The following TENM2 variants were observed in gnomAD, a reference collection of about 807,000 sequenced individuals.
TENM2 encodes the protein teneurin-2.
In TENM2, 52 loss-of-function variants were observed where a neutral mutation model predicts 245.2. The observed-to-expected ratio is 0.21, with a 90% CI of 0.17 to 0.27. The LOEUF (loss-of-function observed/expected upper bound fraction) is 0.27, where lower values mean the gene tolerates loss of function less well. Among genes scored for constraint, TENM2 ranks in the 10% least tolerant of loss-of-function variants. The pLI, the probability that TENM2 is intolerant of heterozygous loss-of-function variation, is 1.00. For synonymous variants in TENM2, 1,363 were observed against 1,438.9 expected (o/e 0.95, Z 1.19); for missense variants, 3,046 against 3,666.8 (o/e 0.83, Z 4.37).
At chr5:167,518,416 G>A (rs1275079635) in intron 2 of TENM2, among the ~76,000 whole-genome samples, 5 of 152,108 alleles carry the variant, frequency 3.3e-5, no homozygotes, top group Non-Finnish European at 7.4e-5. Flanking sequence ...TTATGTTAAT[G>A]ACTGAAAGTA....
the TENM2 span, among the ~76,000 whole-genome samples, chr5:167,038,748 A>C: frequency 6.6e-6 from 1 of 152,164 alleles, no homozygotes; most frequent in African/African-American, 2.4e-5. Context: ...CTTAACACTT[A>C]CCTCTTTGCT....
the TENM2 span, among the ~76,000 whole-genome samples, chr5:167,143,068 A>G: frequency 4.0e-4 from 61 of 152,272 alleles, no homozygotes; most frequent in Non-Finnish European, 6.6e-4. Context: ...TATTGCCCAC[A>G]CTGTCCATTT....
chr5:167,250,186 T>TG, the TENM2 span, among the ~76,000 whole-genome samples: 397 of 152,134 alleles, frequency 2.6e-3, 1 homozygote, highest in African/African-American at 9.2e-3. Flanking sequence ...CCAGCCATGG[T>TG]GGTGAATGCC....
chr5:167,643,393 A>G (rs935865811), intron 2 of TENM2, among the ~76,000 whole-genome samples: 10 of 152,154 alleles, frequency 6.6e-5, no homozygotes, highest in African/African-American at 2.4e-4. Context: ...GCTTGTGTCT[A>G]GATTATTTCA....
At chr5:167,519,244 A>G (rs182050891) in intron 2 of TENM2, among the ~76,000 whole-genome samples, 47 of 152,272 alleles carry the variant, frequency 3.1e-4, no homozygotes, top group South Asian at 1.2e-3. Context: ...TTTTTCCAAG[A>G]CAGAAATCAT....
At chr5:167,904,592 A>G (rs1775947156) in intron 3 of TENM2, among the ~76,000 whole-genome samples, 1 of 152,142 alleles carries the variant, frequency 6.6e-6, no homozygotes, top group Non-Finnish European at 1.5e-5. Context: ...GCCCCGCCCC[A>G]CACAGAGATT....
intron 5 of TENM2, among the ~76,000 whole-genome samples, chr5:167,997,964 A>G (rs941489151): frequency 6.6e-6 from 1 of 152,164 alleles, no homozygotes; most frequent in Non-Finnish European, 1.5e-5. Flanking sequence ...TGATACTGCA[A>G]CTCCATTTCA....
At chr5:167,844,958 C>T (rs1384683989) in intron 2 of TENM2, among the ~76,000 whole-genome samples, 5 of 152,004 alleles carry the variant, frequency 3.3e-5, no homozygotes, top group Non-Finnish European at 1.5e-5. Flanking sequence ...CTCCCTCTCT[C>T]CCTCTATGCT....
intron 2 of TENM2, among the ~76,000 whole-genome samples, chr5:167,603,236 A>G (rs576224063): frequency 8.5e-5 from 13 of 152,270 alleles, no homozygotes; most frequent in African/African-American, 3.1e-4. Context: ...AGATATGGTG[A>G]GATTTCATTG....
At chr5:167,235,987 C>A in the TENM2 span, among the ~76,000 whole-genome samples, 1 of 152,250 alleles carries the variant, frequency 6.6e-6, no homozygotes, top group South Asian at 2.1e-4. Context: ...AGGCAATAAT[C>A]GGTAGATATT....
At chr5:167,441,175 A>C (rs1764860722) in intron 2 of TENM2, among the ~76,000 whole-genome samples, 1 of 152,156 alleles carries the variant, frequency 6.6e-6, no homozygotes, top group Admixed American at 6.6e-5. Flanking sequence ...TTTCCTAGGT[A>C]TTAATCTAAT....
At chr5:167,939,789 T>G (rs778793730) in intron 3 of TENM2, among the ~76,000 whole-genome samples, 44 of 152,220 alleles carry the variant, frequency 2.9e-4, no homozygotes, top group Non-Finnish European at 5.3e-4. Flanking sequence ...AGTTCCTTTC[T>G]GTATCGGCAA....
the TENM2 span, among the ~76,000 whole-genome samples, chr5:167,023,465 G>A: frequency 6.6e-6 from 1 of 152,144 alleles, no homozygotes; most frequent in African/African-American, 2.4e-5. Flanking sequence ...AATCTTTTGA[G>A]ACTCAGAGAA....
At chr5:167,320,555 C>T in intron 1 of TENM2, among the ~76,000 whole-genome samples, 1 of 107,736 alleles carries the variant, frequency 9.3e-6, no homozygotes, top group African/African-American at 3.4e-5. Context: ...GTTTAATTGC[C>T]ATTGTAACAG....
At chr5:168,064,807 C>T (rs1790353074) in intron 7 of TENM2, among the ~76,000 whole-genome samples, 1 of 152,164 alleles carries the variant, frequency 6.6e-6, no homozygotes, top group African/African-American at 2.4e-5. Flanking sequence ...AAGCAAGCCA[C>T]CGTGCCGATG....
intron 2 of TENM2, among the ~76,000 whole-genome samples, chr5:167,666,331 A>T (rs1173746260): frequency 6.6e-6 from 1 of 152,194 alleles, no homozygotes. Context: ...GTTCTGTGAC[A>T]GTCTCAACCC....
chr5:167,787,277 C>G (rs1764646549), intron 2 of TENM2, among the ~76,000 whole-genome samples: 1 of 152,148 alleles, frequency 6.6e-6, no homozygotes, highest in African/African-American at 2.4e-5. Flanking sequence ...TTTCTAAAGG[C>G]ATTGATACTT....
the TENM2 span, among the ~76,000 whole-genome samples, chr5:167,277,452 T>G: frequency 6.6e-6 from 1 of 152,188 alleles, no homozygotes; most frequent in Non-Finnish European, 1.5e-5. Context: ...CTAGTTTTAT[T>G]CCATTGTTGT....
At chr5:167,280,106 C>T (rs976011369), upstream of TENM2, among the ~76,000 whole-genome samples, 1 of 152,176 alleles carries the variant, frequency 6.6e-6, no homozygotes, top group African/African-American at 2.4e-5. Context: ...CCCTGCTCAG[C>T]TTCTGTCAAC....
Sources: allele counts gnomAD v4.1 joint callset (sites outside exome capture counted in the v4.1 genomes callset), GRCh38; gene constraint gnomAD v4.1.1; transcripts MANE v1.5; gene names NCBI Gene and HGNC (gene_info 2026-07-23, HGNC 2026-07-21).